The following GDI2 variants were observed in gnomAD, a reference collection of about 807,000 sequenced individuals.
GDI2 encodes the protein GDP dissociation inhibitor 2, also known as rab GDP dissociation inhibitor beta.
GDI2 carries 22 observed loss-of-function variants against 54.2 expected under a neutral mutation model. The ratio of observed to expected loss-of-function variants is 0.41; its 90% CI spans 0.29 to 0.58. The LOEUF (loss-of-function observed/expected upper bound fraction) is 0.58, where lower values mean the gene tolerates loss of function less well. Among genes scored for constraint, GDI2 ranks in the 20% least tolerant of loss-of-function variants. The probability of loss-of-function intolerance (pLI) is 0.35; values close to 1 mark genes in which losing one functional copy is unlikely to be tolerated. For missense variants in GDI2, 422 were observed against 546.0 expected (o/e 0.77, Z 2.26); for synonymous variants, 177 against 182.1 (o/e 0.97, Z 0.23).
chr10:5,810,859 T>C (rs1841468431), intron 1 of GDI2, among the ~76,000 whole-genome samples: 1 of 152,232 alleles, frequency 6.6e-6, no homozygotes, highest in African/African-American at 2.4e-5. Context: ...TAACTATCAA[T>C]ATTTGTGATT....
At chr10:5,775,265 G>T (rs1440537081) in intron 6 of GDI2, among the ~76,000 whole-genome samples, 1 of 152,096 alleles carries the variant, frequency 6.6e-6, no homozygotes. Flanking sequence ...TCCAGCCCGG[G>T]TAACAAAGCA....
chr10:5,809,404 A>C (rs1317454976), intron 1 of GDI2, among the ~76,000 whole-genome samples: 2 of 152,316 alleles, frequency 1.3e-5, no homozygotes, highest in African/African-American at 4.8e-5. Flanking sequence ...CAAGCAAAAC[A>C]AACCACTCCC....
intron 4 of GDI2, among the ~76,000 whole-genome samples, chr10:5,794,404 G>C (rs1185709614): frequency 3.3e-5 from 5 of 151,386 alleles, no homozygotes; most frequent in African/African-American, 4.9e-5. Flanking sequence ...CACACTACCA[G>C]CATTTCACTT....
intron 1 of GDI2, among the ~76,000 whole-genome samples, chr10:5,807,402 T>C (rs1194960887): frequency 6.6e-6 from 1 of 152,206 alleles, no homozygotes; most frequent in Non-Finnish European, 1.5e-5. Flanking sequence ...CCATCTATCA[T>C]GTACATCAAG....
chr10:5,800,583 T>C lies in GDI2; in HGVS notation c.153+15A>G, dbSNP rs746237357. On this transcript the variant is annotated intron_variant, in intron 2 of 10. Transcript: ENST00000380191. The stretch of plus-strand genomic sequence containing the variant: ...ACAAAGTGTGAGAGGCGTATGAAAT[T>C]TGACTAACACTTACATCTTCCAATG... 5 of 1,182,598 alleles carry C rather than the reference T, an allele frequency of 4.2e-6. No homozygotes were observed. Among genetic ancestry groups the C allele is most frequent in the Admixed American group, 1.7e-5 (1 of 59,540 alleles). The allele number at this position is 1,182,598 out of a possible 1,614,324, so 73.3% of individuals were successfully genotyped here. A position where few individuals can be genotyped will look rare whatever the true frequency, so the allele number is the denominator to read the frequency against.
chr10:5,774,438 T>C lies in GDI2; in HGVS notation c.720-497A>G, dbSNP rs76308440. On this transcript the variant is annotated intron_variant, in intron 6 of 10. Coordinates refer to ENST00000380191, the MANE Select transcript of GDI2 (RefSeq NM_001494.4). This position sits in a 1 kb window ranked among gnomAD's most constrained non-coding sequence, Gnocchi z 4.8. ...CACATTTGGTGCTGTGTGACTCGGA[T>C]ACATTCCCTAGTAGTAAGAGACCTC... 5.3e-5 allele frequency among the ~76,000 whole-genome samples: 8 copies of C among 152,204 alleles called. No homozygotes were observed. Among genetic ancestry groups the C allele is most frequent in the Non-Finnish European group, 7.3e-5 (5 of 68,032 alleles).
In GDI2 at chr10:5,776,046, AC is replaced by A. The variant is rs1840611750; in HGVS notation, c.720-2106del. 5.3e-6 allele frequency: 1 copy of A among 189,300 alleles called. No homozygotes were observed. The allele number at this position is 189,300 out of a possible 1,614,324, so 11.7% of individuals were successfully genotyped here. ...GCTCCCCTTCCTAAGGCTGCCACTT[AC>A]CCCGGAGTCTATGAAAATAATGGAT... On this transcript the variant is annotated intron_variant, in intron 6 of 10. Transcript: ENST00000380191. This position sits in a 1 kb window ranked among gnomAD's most constrained non-coding sequence, Gnocchi z 5.3.
rs367684815 is a variant in GDI2, at chr10:5,800,573, C to A, written c.153+25G>T. The A allele has an allele frequency of 2.9e-5, 28 of 965,066 alleles. No homozygotes were observed. The African/African-American group carries it at 3.7e-4, about 13-fold the overall frequency. The allele number at this position is 965,066 out of a possible 1,614,324, so 59.8% of individuals were successfully genotyped here. ...TGAAATACTCACAAAGTGTGAGAGG[C>A]GTATGAAATTTGACTAACACTTACA... On this transcript the variant is annotated intron_variant, in intron 2 of 10. Coordinates refer to ENST00000380191, the MANE Select transcript of GDI2 (RefSeq NM_001494.4).
chr10:5,777,550 G>C (rs893366953), intron 6 of GDI2, among the ~76,000 whole-genome samples: 3 of 152,206 alleles, frequency 2.0e-5, no homozygotes, highest in African/African-American at 7.2e-5. Context: ...CTGGTCATTA[G>C]AGAAATACAA....
rs186022209 is a variant in GDI2 at position 5,813,304 on chromosome 10, G to A, written c.-46C>T. 2,680 of 1,436,916 alleles carry A rather than the reference G, an allele frequency of 1.9e-3. 89 individuals carry two copies. In the Admixed American group the frequency reaches 0.042, roughly 23 times the overall value. 89.0% of individuals were successfully genotyped at this position (1,436,916 alleles called of 1,614,324 possible). On this transcript the variant is annotated 5_prime_UTR_variant, in exon 1 of 11. Coordinates refer to ENST00000380191, the MANE Select transcript of GDI2 (RefSeq NM_001494.4). ...AGGACCCGAGCAAGGAAAAGGCGCA[G>A]GGGCTCCGTGACCACCCTACGAGGC...
chr10:5,782,736 C>T (rs1840787815), intron 6 of GDI2, among the ~76,000 whole-genome samples: 1 of 152,180 alleles, frequency 6.6e-6, no homozygotes, highest in African/African-American at 2.4e-5. Flanking sequence ...GAGTTCAAGA[C>T]CAGACTGACC....
intron 6 of GDI2, among the ~76,000 whole-genome samples, chr10:5,782,275 C>T (rs370923168): frequency 5.3e-5 from 8 of 152,182 alleles, no homozygotes; most frequent in Non-Finnish European, 8.8e-5. Context: ...AATGAGATAG[C>T]ATTTCACACC....
intron 1 of GDI2, among the ~76,000 whole-genome samples, chr10:5,801,768 C>G (rs1395541832): frequency 6.6e-6 from 1 of 152,114 alleles, no homozygotes; most frequent in Non-Finnish European, 1.5e-5. Context: ...CCCAGCACTT[C>G]GGGAGGCCGA....
intron 4 of GDI2, among the ~76,000 whole-genome samples, chr10:5,788,736 T>C (rs935444768): frequency 6.6e-5 from 10 of 151,700 alleles, no homozygotes; most frequent in Non-Finnish European, 1.0e-4. Flanking sequence ...TGTCAATAAA[T>C]GTACTGAAAA....
intron 1 of GDI2, among the ~76,000 whole-genome samples, chr10:5,808,865 G>A (rs973555240): frequency 6.6e-5 from 10 of 152,028 alleles, no homozygotes; most frequent in Non-Finnish European, 1.2e-4. Context: ...TCATTTCAAT[G>A]GCAAGTATCT....
intron 7 of GDI2, 40 bp downstream of exon 7, chr10:5,773,802 C>A (rs753698874): frequency 8.1e-6 from 7 of 867,900 alleles, no homozygotes; most frequent in South Asian, 4.2e-5. Context: ...ACTTTCTTCA[C>A]AAGAACATAG....
At chr10:5,802,340 C>T (rs957559149) in intron 1 of GDI2, among the ~76,000 whole-genome samples, 1 of 152,046 alleles carries the variant, frequency 6.6e-6, no homozygotes, top group African/African-American at 2.4e-5. Context: ...GCTGCTCACA[C>T]CTGTAATCCA....
At chr10:5,800,556 TCA>T in intron 2 of GDI2, 40 bp downstream of exon 2, 1 of 908,718 alleles carries the variant, frequency 1.1e-6, no homozygotes, top group Non-Finnish European at 1.9e-6. Flanking sequence ...AGTGAAATAC[TCA>T]CAAAGTGTGA....
chr10:5,777,521 GA>G (rs1194996379), intron 6 of GDI2, among the ~76,000 whole-genome samples: 1 of 151,874 alleles, frequency 6.6e-6, no homozygotes, highest in African/African-American at 2.4e-5. Context: ...CAAGAAACAT[GA>G]AAAAAAGCTC....
Sources: gnomAD v4.1 joint callset for allele counts (sites outside exome capture counted in the v4.1 genomes callset) on GRCh38, gnomAD v4.1.1 for gene constraint, Gnocchi (gnomAD v3.1) non-coding constraint, MANE v1.5 for transcripts, NCBI Gene and HGNC (gene_info 2026-07-23, HGNC 2026-07-21) for gene names.